ZNF385D: variants seen among roughly 807,000 people sequenced by gnomAD.
The protein encoded by ZNF385D is zinc finger protein 385D, also known as zinc finger protein 659.
A neutral mutation model predicts 35.8 loss-of-function variants in ZNF385D; 15 were observed. The ratio of observed to expected loss-of-function variants is 0.42; its 90% CI spans 0.28 to 0.64. The LOEUF is 0.64. ZNF385D is among the 30% of genes least tolerant of loss of function. The pLI is 0.23. For synonymous variants in ZNF385D, 212 were observed against 186.8 expected, an observed-to-expected ratio of 1.13 and a Z score of -1.10; for missense variants, 474 against 494.6, an observed-to-expected ratio of 0.96 and a Z score of 0.39.
chr3:22,000,656 G>C (rs1266331601), intron 3 of ZNF385D, among the ~76,000 whole-genome samples: 2 of 151,768 alleles, frequency 1.3e-5, no homozygotes, highest in African/African-American at 4.8e-5. Flanking sequence ...CAAGGGAAAA[G>C]CATCAAGTCA....
intron 3 of ZNF385D, among the ~76,000 whole-genome samples, chr3:21,825,146 T>TAGTGAATGC (rs1187003255): frequency 6.6e-6 from 1 of 152,198 alleles, no homozygotes; most frequent in African/African-American, 2.4e-5. Flanking sequence ...GCCAATATTT[T>TAGTGAATGC]AGTGAATGCA....
chr3:21,706,610 G>C (rs2067908206), intron 1 of ZNF385D, among the ~76,000 whole-genome samples: 1 of 152,152 alleles, frequency 6.6e-6, no homozygotes, highest in Non-Finnish European at 1.5e-5. Context: ...ACCATCAGAA[G>C]TGATCAAGGA....
chr3:21,796,022 A>G (rs2072132900), intron 3 of ZNF385D, among the ~76,000 whole-genome samples: 1 of 152,228 alleles, frequency 6.6e-6, no homozygotes, highest in South Asian at 2.1e-4. Flanking sequence ...TGGCAATACT[A>G]TCATAGCAGA....
intron 4 of ZNF385D, chr3:21,441,788 T>A (rs3732905): frequency 0.23 from 225,281 of 961,548 alleles, 31,035 homozygotes; most frequent in African/African-American, 0.58. Context: ...TTTCTTACTG[T>A]TTCCCAAAGG....
intron 4 of ZNF385D, among the ~76,000 whole-genome samples, chr3:21,443,931 C>T (rs901360399): frequency 2.6e-5 from 4 of 152,146 alleles, no homozygotes; most frequent in African/African-American, 7.2e-5. Flanking sequence ...GCAATTACAT[C>T]AACAATAGAT....
intron 3 of ZNF385D, among the ~76,000 whole-genome samples, chr3:21,834,310 T>C (rs1695189780): frequency 6.6e-6 from 1 of 152,032 alleles, no homozygotes; most frequent in South Asian, 2.1e-4. Flanking sequence ...CAAAACTCCA[T>C]CCCCCTAAGA....
At chr3:21,814,044 T>TA (rs760365335) in intron 3 of ZNF385D, among the ~76,000 whole-genome samples, 1 of 152,136 alleles carries the variant, frequency 6.6e-6, no homozygotes, top group Non-Finnish European at 1.5e-5. Flanking sequence ...TGGGGGCCAA[T>TA]ATTCAACATT....
At chr3:22,284,945 G>T (rs1475780899) in intron 2 of ZNF385D, among the ~76,000 whole-genome samples, 4 of 152,070 alleles carry the variant, frequency 2.6e-5, no homozygotes, top group Admixed American at 2.6e-4. Context: ...ATCAACAAAT[G>T]AATGTGGAAG....
chr3:21,713,560 T>C (rs933164210), intron 1 of ZNF385D, among the ~76,000 whole-genome samples: 4 of 152,192 alleles, frequency 2.6e-5, no homozygotes, highest in African/African-American at 4.8e-5. Context: ...CTACCTTCCA[T>C]TGCCACTGTC....
At chr3:21,697,548 G>A (rs1559528302) in intron 1 of ZNF385D, among the ~76,000 whole-genome samples, 1 of 151,958 alleles carries the variant, frequency 6.6e-6, no homozygotes. Context: ...AAATGTGGCT[G>A]GTCCATTTGT....
Position 21,644,973 on chromosome 3 carries a change from C to T in ZNF385D, c.165+19913G>A, listed in dbSNP as rs144503780. ...AAAACTGATTGCTTTTCTGATTACA[C>T]GAAATAAAAGTACTATCTGAGAAGA... is the stretch of plus-strand genomic sequence containing the variant. On this transcript the variant is annotated intron_variant, in intron 2 of 7. Coordinates refer to ENST00000281523, the MANE Select transcript of ZNF385D (RefSeq NM_024697.3). 3.2e-3 allele frequency among the ~76,000 whole-genome samples: 493 copies of T among 152,158 alleles called. 4 individuals carry two copies. Among genetic ancestry groups the T allele is most frequent in the African/African-American group, 0.011 (459 of 41,508 alleles).
chr3:21,586,681 G>A (rs2125718728), intron 2 of ZNF385D, among the ~76,000 whole-genome samples: 1 of 152,308 alleles, frequency 6.6e-6, no homozygotes, highest in African/African-American at 2.4e-5. Context: ...GAAGGATGCT[G>A]TCTACATGGA....
At position 21,939,198 on chromosome 3, in the gene ZNF385D, C is replaced by T. The variant is rs368798081; in HGVS notation, c.325+229619G>A. 3.5e-4 allele frequency among the ~76,000 whole-genome samples: 54 copies of T among 152,310 alleles called. 4 individuals are homozygous for T. The South Asian group carries it at 9.7e-3, about 27-fold the overall frequency. On this transcript the variant is annotated intron_variant, in intron 3 of 5. Coordinates refer to the ZNF385D transcript ENST00000494108. ...TGCCCACTGAAATACCAACTATGAT[C>T]ATTACCACAATAATTAGCATTTATT... is the stretch of plus-strand genomic sequence containing the variant.
intron 3 of ZNF385D, among the ~76,000 whole-genome samples, chr3:22,090,134 A>C (rs1385149512): frequency 2.0e-5 from 3 of 152,150 alleles, no homozygotes; most frequent in African/African-American, 7.2e-5. Context: ...CACAGCACCC[A>C]GCTTGTAATT....
intron 3 of ZNF385D, among the ~76,000 whole-genome samples, chr3:22,062,894 T>G (rs766058068): frequency 9.2e-5 from 14 of 152,174 alleles, no homozygotes; most frequent in Admixed American, 2.0e-4. Flanking sequence ...TGAAAATGTA[T>G]CCTTCAGCCC....
At chr3:22,363,060 T>C (rs1696488767) in intron 2 of ZNF385D, among the ~76,000 whole-genome samples, 1 of 152,120 alleles carries the variant, frequency 6.6e-6, no homozygotes, top group Non-Finnish European at 1.5e-5. Context: ...GCCCTACTTA[T>C]TACTTCTTAA....
chr3:21,888,280 G>GA, intron 3 of ZNF385D, among the ~76,000 whole-genome samples: 1 of 152,068 alleles, frequency 6.6e-6, no homozygotes, highest in Middle Eastern at 3.4e-3. Context: ...CAAATGATTA[G>GA]AAAAAATCTT....
At chr3:22,179,360 G>A (rs1356288357) in intron 2 of ZNF385D, among the ~76,000 whole-genome samples, 1 of 152,210 alleles carries the variant, frequency 6.6e-6, no homozygotes, top group Non-Finnish European at 1.5e-5. Context: ...GTGAATGGGA[G>A]TTCACTCATG....
intron 2 of ZNF385D, among the ~76,000 whole-genome samples, chr3:22,338,177 T>G (rs1055347330): frequency 6.6e-6 from 1 of 152,204 alleles, no homozygotes; most frequent in Non-Finnish European, 1.5e-5. Flanking sequence ...AGACCTGCAA[T>G]AGATCTCTTT....
Sources: allele counts gnomAD v4.1 joint callset (sites outside exome capture counted in the v4.1 genomes callset), GRCh38; gene constraint gnomAD v4.1.1; transcripts MANE v1.5; gene names NCBI Gene and HGNC (gene_info 2026-07-23, HGNC 2026-07-21).